The following MKX variants were observed in gnomAD, a reference collection of about 807,000 sequenced individuals.
MKX encodes the protein homeobox protein Mohawk.
Under a neutral mutation model 36.0 loss-of-function variants are expected in MKX, and 13 were observed. The observed-to-expected ratio is 0.36, with a 90% CI of 0.24 to 0.57. The LOEUF is 0.57. MKX is among the 20% of genes least tolerant of loss of function. The probability of loss-of-function intolerance (pLI) is 0.79; values close to 1 mark genes in which losing one functional copy is unlikely to be tolerated. For missense variants in MKX, 458 were observed against 456.4 expected, an observed-to-expected ratio of 1.00 and a Z score of -0.03; for synonymous variants, 176 against 178.3, an observed-to-expected ratio of 0.99 and a Z score of 0.10.
At chr10:27,722,674 G>T (rs1834405399) in intron 5 of MKX, among the ~76,000 whole-genome samples, 1 of 152,166 alleles carries the variant, frequency 6.6e-6, no homozygotes, top group African/African-American at 2.4e-5. Flanking sequence ...AAGGAGGTTG[G>T]TTGGAGAGAA....
At chr10:27,745,475 TCCC>T (rs987177302) in intron 1 of MKX, 1 of 152,428 alleles carries the variant, frequency 6.6e-6, no homozygotes, top group African/African-American at 2.4e-5. Context: ...AGTGTCCCCC[TCCC>T]CCAACGCCGG....
chr10:27,732,573 T>A (rs1834655795), intron 5 of MKX, among the ~76,000 whole-genome samples: 1 of 152,064 alleles, frequency 6.6e-6, no homozygotes, highest in Admixed American at 6.5e-5. Flanking sequence ...TTTAAAAGAG[T>A]CAACTCTTAT....
chr10:27,743,257 G>T lies in MKX; in HGVS notation c.159C>A (p.Asp53Glu). ...TCCTCCGGTGTCTCAGGCCGAGGTT[G>T]TCCTTGAGGGGCGGGCCGTCGGGAA... ...VGIPDGPPLK[D>E]NLGLRHRRTG... The change falls in exon 2 of 7, where the codon GAC becomes GAA. Residue 53 changes from aspartate (D) to glutamate (E), a missense_variant. By Grantham distance (45) the Asp-to-Glu change is conservative. Transcript: ENST00000419761. 1 of 1,540,428 alleles carries T rather than the reference G, an allele frequency of 6.5e-7. No individual in the cohort carries two copies.
At position 27,720,290 on chromosome 10, in the gene MKX, C is replaced by A. The variant is rs1834348907; in HGVS notation, c.838+14166G>T. ...CTCATTCAATAAGCCTAACATAACT[C>A]TAATACTAAAACTGTGCAAGGAGAC... On this transcript the variant is annotated intron_variant, in intron 5 of 6. Coordinates refer to ENST00000419761, the MANE Select transcript of MKX (RefSeq NM_173576.3). 4.0e-5 allele frequency among the ~76,000 whole-genome samples: 6 copies of A among 150,590 alleles called. 1 individual carries two copies. The highest frequency in any genetic ancestry group is 4.0e-4 in the Admixed American group (6 of 15,090).
At position 27,741,068 on chromosome 10, in the gene MKX, C is replaced by T. The variant is rs1012290407; in HGVS notation, c.348+277G>A. Among the ~76,000 whole-genome samples the T allele has an allele frequency of 6.6e-6, 1 of 152,222 alleles. No individual in the cohort carries two copies. The highest frequency in any genetic ancestry group is 1.5e-5 in the Non-Finnish European group (1 of 68,038). ...CTAGCGATTCGTGTTTTAAGCTCTC[C>T]AGGCGATTCTGATGCTCACTAATGT... On this transcript the variant is annotated intron_variant, in intron 3 of 6. Transcript: ENST00000419761. The surrounding 1 kb of genome is among the most constrained non-coding windows in gnomAD (Gnocchi z 5.1).
intron 5 of MKX, among the ~76,000 whole-genome samples, chr10:27,680,121 CTT>C (rs2132489929): frequency 6.6e-6 from 1 of 152,306 alleles, no homozygotes; most frequent in South Asian, 2.1e-4. Context: ...TATGTAGACT[CTT>C]GAGAGCAGTT....
At chr10:27,720,315 C>A (rs1834349507) in intron 5 of MKX, among the ~76,000 whole-genome samples, 2 of 148,978 alleles carry the variant, frequency 1.3e-5, no homozygotes, top group African/African-American at 2.5e-5. Flanking sequence ...TGCAAGGAGA[C>A]CATTAGGAAA....
At chr10:27,683,632 C>T (rs571563829) in intron 5 of MKX, among the ~76,000 whole-genome samples, 1 of 152,330 alleles carries the variant, frequency 6.6e-6, no homozygotes, top group South Asian at 2.1e-4. Context: ...TTCTGCACAC[C>T]TATTAAGTTT....
chr10:27,686,099 A>C (rs1490375002), intron 5 of MKX, among the ~76,000 whole-genome samples: 2 of 152,180 alleles, frequency 1.3e-5, no homozygotes, highest in Non-Finnish European at 2.9e-5. Flanking sequence ...GTGAAGATCA[A>C]GGCTACTGAA....
Position 27,685,589 on chromosome 10 carries a change from C to T in MKX, c.839-10035G>A, listed in dbSNP as rs1020552402. Among the ~76,000 whole-genome samples the T allele has an allele frequency of 2.0e-4, 31 of 152,068 alleles. 1 individual carries two copies. Among genetic ancestry groups the T allele is most frequent in the Non-Finnish European group, 4.3e-4 (29 of 68,020 alleles). On this transcript the variant is annotated intron_variant, in intron 5 of 6. Coordinates refer to ENST00000419761, the MANE Select transcript of MKX (RefSeq NM_173576.3). The stretch of plus-strand genomic sequence containing the variant: ...TCAGCCTCCCGAGTAGCTGGGACTA[C>T]AGGCGCCCGCCACCACGCCTGGCTA...
Position 27,675,548 on chromosome 10 carries a change from A to G in MKX, c.845T>C (p.Leu282Pro). The change falls in exon 6 of 7, where the codon CTG becomes CCG. Residue 282 changes from leucine to proline, a missense_variant. By Grantham distance (98) the Leu-to-Pro change is moderately conservative (BLOSUM62 -3). Transcript: ENST00000419761. ...TTCACCCTTATTGGATCCGTTTTCC[A>G]GAGTGTCTGTAAAGAAAAGCAAAAA... is the stretch of plus-strand genomic sequence containing the variant. ...EGNFVYRTDTLENGSNKGESA... is the reference protein window; with the variant it reads ...EGNFVYRTDTPENGSNKGESA... 1.2e-6 allele frequency: 2 copies of G among 1,613,928 alleles called. No homozygotes were observed. The highest frequency in any genetic ancestry group is 1.7e-6 in the Non-Finnish European group (2 of 1,179,938).
At chr10:27,683,717 C>T (rs1220383823) in intron 5 of MKX, among the ~76,000 whole-genome samples, 3 of 152,212 alleles carry the variant, frequency 2.0e-5, no homozygotes, top group Non-Finnish European at 4.4e-5. Context: ...TCCAGAGAGC[C>T]TCTGGGGATA....
At chr10:27,736,053 G>A (rs1564366808) in intron 3 of MKX, among the ~76,000 whole-genome samples, 1 of 152,086 alleles carries the variant, frequency 6.6e-6, no homozygotes, top group Admixed American at 6.6e-5. Context: ...TGACATGTCT[G>A]GTAAGAAAAT....
At chr10:27,694,694 C>A (rs987240989) in intron 5 of MKX, among the ~76,000 whole-genome samples, 592 of 114,360 alleles carry the variant, frequency 5.2e-3, no homozygotes, top group Admixed American at 6.7e-3. Context: ...GACTCTGTCT[C>A]AAAAAAAAAA....
rs1834915425 is a variant in MKX, at chr10:27,742,248, TGGA to T, written c.189-747_189-745del. On this transcript the variant is annotated intron_variant, in intron 2 of 6. Coordinates refer to ENST00000419761, the MANE Select transcript of MKX (RefSeq NM_173576.3). This position sits in a 1 kb window ranked among gnomAD's most constrained non-coding sequence, Gnocchi z 4.2. ...GAGGAGGCAGAGGCAGCCAGGAGCCTGGAGCGTGGCCTGGGGCGCTGCGCTCCC... is the reference window on the plus strand; with the variant it reads ...GAGGAGGCAGAGGCAGCCAGGAGCCTGCGTGGCCTGGGGCGCTGCGCTCCC... Among the ~76,000 whole-genome samples, 2 of 152,240 alleles carry T rather than the reference TGGA, an allele frequency of 1.3e-5. No individual in the cohort carries two copies. Among genetic ancestry groups the T allele is most frequent in the South Asian group, 4.1e-4 (2 of 4,832 alleles).
At chr10:27,739,545 T>C (rs935215978) in intron 3 of MKX, among the ~76,000 whole-genome samples, 1 of 152,152 alleles carries the variant, frequency 6.6e-6, no homozygotes, top group Non-Finnish European at 1.5e-5. Flanking sequence ...GTAAAAAGCA[T>C]TTTTATTTGT....
intron 5 of MKX, among the ~76,000 whole-genome samples, chr10:27,707,328 T>G (rs1192922306): frequency 6.6e-6 from 1 of 152,194 alleles, no homozygotes; most frequent in East Asian, 1.9e-4. Flanking sequence ...AGGCTTATGA[T>G]GTATTCATTA....
chr10:27,679,814 A>AT (rs1288327782), intron 5 of MKX, among the ~76,000 whole-genome samples: 10 of 151,392 alleles, frequency 6.6e-5, no homozygotes, highest in East Asian at 1.9e-4. Context: ...AAGTGTTGTA[A>AT]TTTTTTTTTC....
At chr10:27,690,039 C>T (rs559398289) in intron 5 of MKX, among the ~76,000 whole-genome samples, 1 of 152,246 alleles carries the variant, frequency 6.6e-6, no homozygotes, top group South Asian at 2.1e-4. Context: ...ACTTAGAATA[C>T]AAGATATTGC....
Sources: gnomAD v4.1 joint callset for allele counts (sites outside exome capture counted in the v4.1 genomes callset) on GRCh38, gnomAD v4.1.1 for gene constraint, Gnocchi (gnomAD v3.1) non-coding constraint, MANE v1.5 for transcripts, NCBI Gene and HGNC (gene_info 2026-07-23, HGNC 2026-07-21) for gene names.